Variants in XKR9 observed in about 807,000 individuals in gnomAD.
XKR9 encodes the protein XK-related protein 9.
A neutral mutation model predicts 32.0 loss-of-function variants in XKR9; 32 were observed. The ratio of observed to expected loss-of-function variants is 1.00; its 90% confidence interval spans 0.76 to 1.34. The LOEUF (loss-of-function observed/expected upper bound fraction) is 1.34, where lower values mean the gene tolerates loss of function less well. XKR9 is among the 40% of genes most tolerant of loss of function. The probability of loss-of-function intolerance (pLI) is 0.00; values close to 1 mark genes in which losing one functional copy is unlikely to be tolerated. For missense variants in XKR9, 546 were observed against 429.7 expected (o/e 1.27, Z -2.39); for synonymous variants, 168 against 143.4 (o/e 1.17, Z -1.22).
At chr8:70,953,949 G>A in the XKR9 span, among the ~76,000 whole-genome samples, 1 of 152,172 alleles carries the variant, frequency 6.6e-6, no homozygotes, top group African/African-American at 2.4e-5. Context: ...AGAGCATAGA[G>A]GAGTGAAGGA....
chr8:70,812,709 A>C, the XKR9 span, among the ~76,000 whole-genome samples: 1 of 152,238 alleles, frequency 6.6e-6, no homozygotes. Context: ...CAAAGAGAAT[A>C]AAATACCTAG....
intron 2 of XKR9, among the ~76,000 whole-genome samples, chr8:70,748,965 C>A (rs962890894): frequency 2.6e-5 from 4 of 152,172 alleles, no homozygotes; most frequent in African/African-American, 9.7e-5. Flanking sequence ...AGGAGCTACC[C>A]ACCATAGGTC....
the XKR9 span, among the ~76,000 whole-genome samples, chr8:70,868,083 A>G: frequency 6.6e-6 from 1 of 152,182 alleles, no homozygotes; most frequent in Non-Finnish European, 1.5e-5. Context: ...GGCCTTGAGC[A>G]GCTCCACCCC....
At chr8:70,869,621 C>T in the XKR9 span, among the ~76,000 whole-genome samples, 2 of 152,162 alleles carry the variant, frequency 1.3e-5, no homozygotes, top group Admixed American at 1.3e-4. Flanking sequence ...TTCGTTCTTT[C>T]CACTGTATCT....
At chr8:70,739,291 C>T (rs922895629), downstream of XKR9, among the ~76,000 whole-genome samples, 1 of 152,002 alleles carries the variant, frequency 6.6e-6, no homozygotes, top group Non-Finnish European at 1.5e-5. Flanking sequence ...TGATTGCAAT[C>T]CCTGCCTTTT....
intron 2 of XKR9, among the ~76,000 whole-genome samples, chr8:70,776,947 C>CTCTCTCTCTATATATATATATATATA: frequency 5.4e-4 from 29 of 54,204 alleles, no homozygotes; most frequent in African/African-American, 1.7e-3. Flanking sequence ...CTCTCTCTCT[C>CTCTCTCTCTATATATATATATATATA]TATATATATA....
chr8:71,050,262 G>T, the XKR9 span, among the ~76,000 whole-genome samples: 4,795 of 79,000 alleles, frequency 0.061, 133 homozygotes, highest in African/African-American at 0.13. Context: ...TATATATATA[G>T]ATAGATAGAT....
the XKR9 span, among the ~76,000 whole-genome samples, chr8:70,993,660 T>TCCTTCCTTCCTC: frequency 1.4e-5 from 2 of 141,080 alleles, no homozygotes; most frequent in South Asian, 2.2e-4. Flanking sequence ...CTTCCTTCCT[T>TCCTTCCTTCCTC]CCTTCCTTCC....
At chr8:70,684,639 A>G (rs1329307595) in intron 3 of XKR9, among the ~76,000 whole-genome samples, 1 of 151,472 alleles carries the variant, frequency 6.6e-6, no homozygotes, top group African/African-American at 2.4e-5. Flanking sequence ...AACTCAAACA[A>G]ATTTACAAGA....
the XKR9 span, among the ~76,000 whole-genome samples, chr8:70,980,123 A>G: frequency 5.3e-5 from 8 of 152,254 alleles, no homozygotes; most frequent in Non-Finnish European, 1.2e-4. Context: ...GAAAAAGTGC[A>G]GTATTTAGGT....
chr8:70,949,094 C>T, the XKR9 span, among the ~76,000 whole-genome samples: 1 of 152,090 alleles, frequency 6.6e-6, no homozygotes, highest in East Asian at 1.9e-4. Context: ...TGGGATGTCT[C>T]CTTCACATTT....
At chr8:70,683,308 A>C (rs1819147840) in intron 3 of XKR9, among the ~76,000 whole-genome samples, 1 of 152,226 alleles carries the variant, frequency 6.6e-6, no homozygotes, top group South Asian at 2.1e-4. Flanking sequence ...CTATGCTCCC[A>C]ACTAATATAT....
At position 70,735,630 on chromosome 8, in the gene XKR9, C is replaced by A. The variant is rs1563460415; in HGVS notation, c.*1206C>A. 8.9e-6 allele frequency: 1 copy of A among 112,250 alleles called. No individual in the cohort carries two copies. The highest frequency in any genetic ancestry group is 1.7e-5 in the Non-Finnish European group (1 of 59,692). 7.0% of individuals were successfully genotyped at this position (112,250 alleles called of 1,614,324 possible). A position where few individuals can be genotyped will look rare whatever the true frequency, so the allele number is the denominator to read the frequency against. On this transcript the variant is annotated 3_prime_UTR_variant, in exon 5 of 5. Coordinates refer to ENST00000408926, the MANE Select transcript of XKR9 (RefSeq NM_001011720.2). The stretch of plus-strand genomic sequence containing the variant: ...CCTCCCCCCTCCCCCCACCCCACAA[C>A]AGTCCCCAGAGTGTGATGATCCCCT...
chr8:70,819,919 A>G, the XKR9 span, among the ~76,000 whole-genome samples: 2 of 152,234 alleles, frequency 1.3e-5, no homozygotes, highest in Non-Finnish European at 1.5e-5. Context: ...GCCTTCAAAA[A>G]GAGGAAAGCT....
At chr8:70,715,301 A>C (rs1222008900) in intron 4 of XKR9, among the ~76,000 whole-genome samples, 1 of 152,194 alleles carries the variant, frequency 6.6e-6, no homozygotes, top group Non-Finnish European at 1.5e-5. Flanking sequence ...ACTTGAACAT[A>C]CTAGGGGAAT....
the XKR9 span, among the ~76,000 whole-genome samples, chr8:70,903,313 T>G: frequency 6.6e-6 from 1 of 152,330 alleles, no homozygotes; most frequent in Non-Finnish European, 1.5e-5. Flanking sequence ...TGCCTCAATT[T>G]CAGAGCCTGT....
the XKR9 span, among the ~76,000 whole-genome samples, chr8:70,831,579 G>A: frequency 6.6e-6 from 1 of 151,876 alleles, no homozygotes; most frequent in African/African-American, 2.4e-5. Context: ...GTGGGGCTTT[G>A]CATTTTTACT....
chr8:70,847,427 T>A, the XKR9 span, among the ~76,000 whole-genome samples: 1 of 151,568 alleles, frequency 6.6e-6, no homozygotes, highest in Non-Finnish European at 1.5e-5. Context: ...CCCAAAGAAC[T>A]AGAAAAGCAA....
chr8:70,866,075 A>G, the XKR9 span, among the ~76,000 whole-genome samples: 4 of 152,354 alleles, frequency 2.6e-5, no homozygotes, highest in African/African-American at 9.6e-5. Context: ...AGCCCCCTTC[A>G]TAATAATAAT....
Sources: allele counts gnomAD v4.1 joint callset (sites outside exome capture counted in the v4.1 genomes callset), GRCh38; gene constraint gnomAD v4.1.1; transcripts MANE v1.5; gene names NCBI Gene and HGNC (gene_info 2026-07-23, HGNC 2026-07-21).